Variants in BRAF observed in about 807,000 individuals in gnomAD.
BRAF encodes the protein serine/threonine-protein kinase B-raf.
A neutral mutation model predicts 104.6 loss-of-function variants in BRAF; 16 were observed. That is an observed-to-expected ratio of 0.15 (90% CI 0.10 to 0.23). The LOEUF is 0.23. BRAF is among the 10% of genes least tolerant of loss of function. BRAF has a pLI of 1.00. For synonymous variants in BRAF, 310 were observed against 341.6 expected (o/e 0.91, Z 1.02); for missense variants, 541 against 937.3 (o/e 0.58, Z 5.52).
At chr7:140,922,358 C>G (rs984234599) in intron 1 of BRAF, among the ~76,000 whole-genome samples, 2 of 152,194 alleles carry the variant, frequency 1.3e-5, no homozygotes, top group Admixed American at 1.3e-4. Context: ...ATGGCCCTCG[C>G]TCTCACTTAC....
At chr7:140,909,243 TG>T (rs1168220510) in intron 1 of BRAF, among the ~76,000 whole-genome samples, 2 of 151,972 alleles carry the variant, frequency 1.3e-5, no homozygotes, top group Non-Finnish European at 2.9e-5. Flanking sequence ...CTGACCAACA[TG>T]GAAAACCCCC....
intron 1 of BRAF, among the ~76,000 whole-genome samples, chr7:140,922,140 T>G (rs1268399576): frequency 2.0e-5 from 3 of 152,210 alleles, no homozygotes; most frequent in Non-Finnish European, 4.4e-5. Context: ...AAACTACTGT[T>G]CACCACTAAA....
chr7:140,898,574 A>G (rs1346201093), intron 1 of BRAF, among the ~76,000 whole-genome samples: 1 of 152,238 alleles, frequency 6.6e-6, no homozygotes, highest in East Asian at 1.9e-4. Context: ...TTATAAAGCT[A>G]TGTAGAGAAG....
chr7:140,873,041 G>A (rs1327494908), intron 1 of BRAF, among the ~76,000 whole-genome samples: 2 of 151,976 alleles, frequency 1.3e-5, no homozygotes, highest in Non-Finnish European at 2.9e-5. Flanking sequence ...GATGAAATGA[G>A]TACATTGATA....
At chr7:140,758,333 TGTAGTCA>T (rs1798373645) in intron 14 of BRAF, 2 of 152,340 alleles carry the variant, frequency 1.3e-5, no homozygotes, top group South Asian at 4.1e-4. Context: ...GTTACTTCTC[TGTAGTCA>T]GTAATCATTT....
intron 19 of BRAF, chr7:140,733,891 A>C (rs892824127): frequency 9.1e-5 from 60 of 661,942 alleles, no homozygotes; most frequent in Non-Finnish European, 1.1e-4. Context: ...ATTTTAAAAA[A>C]AGCTATTTAA....
intron 1 of BRAF, among the ~76,000 whole-genome samples, chr7:140,853,324 C>T (rs1809402023): frequency 6.6e-6 from 1 of 151,988 alleles, no homozygotes; most frequent in Non-Finnish European, 1.5e-5. Context: ...CTGCAATGAG[C>T]TGTGATCGCG....
chr7:140,845,709 T>C (rs970088238), intron 2 of BRAF, among the ~76,000 whole-genome samples: 1 of 152,074 alleles, frequency 6.6e-6, no homozygotes, highest in Non-Finnish European at 1.5e-5. Flanking sequence ...GACGGAGTCT[T>C]ATTCTGTCCC....
intron 1 of BRAF, among the ~76,000 whole-genome samples, chr7:140,876,569 G>A (rs1025397142): frequency 1.6e-4 from 25 of 152,104 alleles, no homozygotes; most frequent in East Asian, 3.8e-4. Flanking sequence ...TGTAGTCTAC[G>A]AGTAATTCAC....
chr7:140,843,916 G>C (rs1363569458), intron 2 of BRAF, among the ~76,000 whole-genome samples: 1 of 152,182 alleles, frequency 6.6e-6, no homozygotes, highest in Admixed American at 6.5e-5. Flanking sequence ...GGCTGAGGCA[G>C]GAGAATGGCG....
chr7:140,809,773 TCCA>T (rs1804034211), intron 3 of BRAF, among the ~76,000 whole-genome samples: 1 of 151,936 alleles, frequency 6.6e-6, no homozygotes, highest in Non-Finnish European at 1.5e-5. Flanking sequence ...GGCCATATTC[TCCA>T]CCACACTGAG....
intron 1 of BRAF, among the ~76,000 whole-genome samples, chr7:140,903,908 T>C (rs747121475): frequency 6.6e-6 from 1 of 152,326 alleles, no homozygotes; most frequent in Middle Eastern, 3.4e-3. Flanking sequence ...GTGACTGAAT[T>C]GCTACAATAT....
intron 2 of BRAF, chr7:140,835,306 C>A (rs913066039): frequency 8.5e-5 from 15 of 177,036 alleles, no homozygotes; most frequent in Non-Finnish European, 2.4e-5. Flanking sequence ...CTCTCTCTCT[C>A]AACAGAAAAA....
intron 8 of BRAF, among the ~76,000 whole-genome samples, chr7:140,788,101 G>A (rs146688187): frequency 2.6e-5 from 4 of 152,190 alleles, no homozygotes; most frequent in Admixed American, 6.5e-5. Context: ...GTTGACCTAC[G>A]TAACAACCCT....
At chr7:140,783,380 T>C in intron 10 of BRAF, 1 of 537,184 alleles carries the variant, frequency 1.9e-6, no homozygotes, top group Non-Finnish European at 3.3e-6. Flanking sequence ...AGATATCTGA[T>C]GATAGACATA....
rs923847186 is a variant in BRAF at position 140,764,640 on chromosome 7, C to A, written c.1815-10407G>T. On this transcript the variant is annotated intron_variant, in intron 14 of 19. Coordinates refer to ENST00000644969, the MANE Select transcript of BRAF (RefSeq NM_001374258.1). ...TCAATGTACAAAAACCACAAGCATT[C>A]TTATACACCAATAACAGACAAACAG... 8.5e-5 allele frequency among the ~76,000 whole-genome samples: 13 copies of A among 152,166 alleles called. 1 individual carries two copies. The highest frequency in any genetic ancestry group is 6.3e-3 in the Middle Eastern group (2 of 316).
intron 1 of BRAF, among the ~76,000 whole-genome samples, chr7:140,900,547 T>A (rs1232191255): frequency 6.6e-6 from 1 of 152,184 alleles, no homozygotes; most frequent in Non-Finnish European, 1.5e-5. Context: ...ATAAAATTCA[T>A]CCATATTATT....
Position 140,747,391 on chromosome 7 carries a change from C to A in BRAF, c.2112+1896G>T, listed in dbSNP as rs1341802578. 3.1e-6 allele frequency: 4 copies of A among 1,284,270 alleles called. No individual in the cohort carries two copies. In the African/African-American group the frequency reaches 4.6e-5, roughly 15 times the overall value. The allele number at this position is 1,284,270 out of a possible 1,614,324, so 79.6% of individuals were successfully genotyped here. ...CCTTCTGTTGGTCACACATTCCTCT[C>A]ATGGAGAGTAAGCCCTTGCCACATC... On this transcript the variant is annotated intron_variant, in intron 17 of 19. Transcript: ENST00000644969.
chr7:140,794,416 C>G lies in BRAF; in HGVS notation c.1032G>C (p.Gln344His), dbSNP rs56094800. The change falls in exon 8 of 20, where the codon CAG (glutamine) becomes CAC (histidine). Residue 344 changes from glutamine (Q) to histidine (H), a missense_variant. Physicochemically the swap from Gln to His is conservative, Grantham distance 24. Transcript: ENST00000644969. ...GATCTTCATCTGCTGGTCGGAAGGG[C>G]TGTGGAATTGGAATGGATTTTGAAG... ...PSPSKSIPIP[Q>H]PFRPADEDHR... The G allele has an allele frequency of 6.2e-7, 1 of 1,613,560 alleles. No individual in the cohort carries two copies.
Sources: allele counts gnomAD v4.1 joint callset (sites outside exome capture counted in the v4.1 genomes callset), GRCh38; gene constraint gnomAD v4.1.1; transcripts MANE v1.5; gene names NCBI Gene and HGNC (gene_info 2026-07-23, HGNC 2026-07-21).